Variants in RABGAP1L observed in about 807,000 individuals in gnomAD.
RABGAP1L encodes the protein RAB GTPase activating protein 1 like.
RABGAP1L carries 63 observed loss-of-function variants against 137.7 expected under a neutral mutation model. The observed-to-expected ratio is 0.46, with a 90% CI of 0.37 to 0.56. The LOEUF (loss-of-function observed/expected upper bound fraction) is 0.56. Ranked by LOEUF, RABGAP1L falls within the 20% of genes least tolerant of loss-of-function variation. The probability of loss-of-function intolerance (pLI) is 0.00; values close to 1 mark genes in which losing one functional copy is unlikely to be tolerated. For synonymous variants in RABGAP1L, 431 were observed against 433.7 expected, an observed-to-expected ratio of 0.99 and a Z score of 0.08; for missense variants, 1,095 against 1,244.0, an observed-to-expected ratio of 0.88 and a Z score of 1.80.
chr1:174,821,071 C>T (rs774854626), intron 19 of RABGAP1L, among the ~76,000 whole-genome samples: 7 of 151,370 alleles, frequency 4.6e-5, no homozygotes, highest in Non-Finnish European at 1.0e-4. Context: ...GTGATCGCAG[C>T]AAAACCATGC....
chr1:174,850,328 CAAAT>C (rs1299880128), intron 19 of RABGAP1L, among the ~76,000 whole-genome samples: 1 of 152,148 alleles, frequency 6.6e-6, no homozygotes, highest in East Asian at 1.9e-4. Context: ...TCAGTCTTCC[CAAAT>C]ACATATGCTT....
At chr1:174,919,950 CT>C (rs1172953710) in intron 19 of RABGAP1L, among the ~76,000 whole-genome samples, 2 of 152,318 alleles carry the variant, frequency 1.3e-5, no homozygotes, top group African/African-American at 4.8e-5. Flanking sequence ...TCACCAGGAA[CT>C]TAAAACTGGC....
intron 11 of RABGAP1L, among the ~76,000 whole-genome samples, chr1:174,337,004 TAAGG>T (rs1681540921): frequency 6.6e-6 from 1 of 152,062 alleles, no homozygotes; most frequent in Non-Finnish European, 1.5e-5. Context: ...ATATATCTGA[TAAGG>T]AAGAATATTT....
intron 19 of RABGAP1L, among the ~76,000 whole-genome samples, chr1:174,834,720 A>T (rs1692554701): frequency 6.8e-6 from 1 of 146,002 alleles, no homozygotes; most frequent in Non-Finnish European, 1.5e-5. Context: ...TTATATTTTT[A>T]TATGCAAATA....
chr1:174,816,763 T>G (rs1395872100), intron 19 of RABGAP1L, among the ~76,000 whole-genome samples: 2 of 151,304 alleles, frequency 1.3e-5, no homozygotes, highest in Non-Finnish European at 3.0e-5. Context: ...GATGGAGTCT[T>G]GCTCTGTCAC....
chr1:174,200,187 G>A (rs1667999892), intron 1 of RABGAP1L, among the ~76,000 whole-genome samples: 3 of 152,206 alleles, frequency 2.0e-5, no homozygotes, highest in African/African-American at 7.2e-5. Flanking sequence ...CATCTCATAT[G>A]TGTGTGAAAA....
intron 13 of RABGAP1L, among the ~76,000 whole-genome samples, chr1:174,443,879 GT>G (rs1654433483): frequency 6.6e-6 from 1 of 152,012 alleles, no homozygotes; most frequent in Non-Finnish European, 1.5e-5. Context: ...TAGGAGTCTA[GT>G]TTTATTTTTC....
At chr1:174,688,967 G>A (rs1481459455) in intron 15 of RABGAP1L, among the ~76,000 whole-genome samples, 3 of 152,154 alleles carry the variant, frequency 2.0e-5, no homozygotes, top group Admixed American at 6.5e-5. Context: ...TTAAAGTTAC[G>A]AAAGTGATTT....
intron 13 of RABGAP1L, among the ~76,000 whole-genome samples, chr1:174,567,405 G>T (rs1299906812): frequency 1.3e-5 from 2 of 151,704 alleles, no homozygotes; most frequent in African/African-American, 2.4e-5. Context: ...GTCACATTTG[G>T]GTTAGCCATT....
rs568368150 is a variant in RABGAP1L at position 174,274,100 on chromosome 1, A to AT, written c.1053+1627dup. ...GGACAGTTCTGGTTATTACAAAGTT[A>AT]TTTTTTTATAATCACCTGAAATCAT... On this transcript the variant is annotated intron_variant, in intron 8 of 25. Coordinates refer to ENST00000681986, the MANE Select transcript of RABGAP1L (RefSeq NM_001366446.1). 2.6e-5 allele frequency among the ~76,000 whole-genome samples: 4 copies of AT among 152,092 alleles called. No individual in the cohort carries two copies. The South Asian group carries it at 6.2e-4, about 24-fold the overall frequency.
At chr1:174,908,537 C>CTTTT (rs774387616) in intron 19 of RABGAP1L, among the ~76,000 whole-genome samples, 18 of 94,372 alleles carry the variant, frequency 1.9e-4, no homozygotes, top group South Asian at 3.5e-4. Context: ...ACAACATATT[C>CTTTT]TTTTTTTTTT....
chr1:174,741,386 A>G (rs1249589623), intron 17 of RABGAP1L, among the ~76,000 whole-genome samples: 1 of 152,028 alleles, frequency 6.6e-6, no homozygotes, highest in African/African-American at 2.4e-5. Context: ...TTTTTGAGAC[A>G]GAGTCTTGCC....
In RABGAP1L at chr1:174,754,190, T is replaced by G. The variant is rs572156315; in HGVS notation, c.2211+1836T>G. On this transcript the variant is annotated intron_variant, in intron 18 of 25. Coordinates refer to ENST00000681986, the MANE Select transcript of RABGAP1L (RefSeq NM_001366446.1). ...TCTTGTAGCATCATCTTAGAGAATT[T>G]TACTAGTTAGAGAAGATAAAAAGAG... Among the ~76,000 whole-genome samples, 9 of 152,300 alleles carry G rather than the reference T, an allele frequency of 5.9e-5. 1 individual carries two copies. In the South Asian group the frequency reaches 1.9e-3, roughly 32 times the overall value.
chr1:174,480,644 G>A (rs1658985616), intron 13 of RABGAP1L, among the ~76,000 whole-genome samples: 1 of 152,116 alleles, frequency 6.6e-6, no homozygotes, highest in Admixed American at 6.5e-5. Context: ...TTAAAGTTTT[G>A]TATCAGAAAT....
intron 14 of RABGAP1L, among the ~76,000 whole-genome samples, chr1:174,652,922 G>T (rs1237735014): frequency 6.6e-6 from 1 of 152,206 alleles, no homozygotes; most frequent in African/African-American, 2.4e-5. Flanking sequence ...CAGGTGCTCT[G>T]TCCCAGGGAG....
At chr1:174,472,046 G>A (rs975334300) in intron 13 of RABGAP1L, among the ~76,000 whole-genome samples, 5 of 152,186 alleles carry the variant, frequency 3.3e-5, no homozygotes, top group African/African-American at 4.8e-5. Context: ...GAAAGTGGCC[G>A]TCTGCAAGCC....
intron 13 of RABGAP1L, among the ~76,000 whole-genome samples, chr1:174,485,705 A>C (rs1347484443): frequency 6.6e-6 from 1 of 152,176 alleles, no homozygotes; most frequent in African/African-American, 2.4e-5. Flanking sequence ...GGCCATGATG[A>C]ATGATCTTTC....
chr1:174,751,756 C>A (rs1407864553), intron 17 of RABGAP1L, among the ~76,000 whole-genome samples: 2 of 152,104 alleles, frequency 1.3e-5, no homozygotes, highest in Non-Finnish European at 2.9e-5. Context: ...CCCCTAATGA[C>A]CACCTCTAGT....
intron 18 of RABGAP1L, among the ~76,000 whole-genome samples, chr1:174,803,982 G>T (rs1689004761): frequency 6.6e-6 from 1 of 152,068 alleles, no homozygotes; most frequent in South Asian, 2.1e-4. Flanking sequence ...GCTGAGGCAG[G>T]AGAATCACTT....
Sources: gnomAD v4.1 joint callset for allele counts (sites outside exome capture counted in the v4.1 genomes callset) on GRCh38, gnomAD v4.1.1 for gene constraint, MANE v1.5 for transcripts, NCBI Gene and HGNC (gene_info 2026-07-23, HGNC 2026-07-21) for gene names.